The following COG5 variants were observed in gnomAD, a reference collection of about 807,000 sequenced individuals.
COG5 encodes conserved oligomeric Golgi complex subunit 5.
In COG5, 86 loss-of-function variants were observed where a neutral mutation model predicts 110.4. The observed-to-expected ratio is 0.78, with a 90% confidence interval of 0.65 to 0.93. COG5 has a LOEUF of 0.93. Among genes scored for constraint, COG5 ranks in the 40% least tolerant of loss-of-function variants. The pLI, the probability that COG5 is intolerant of heterozygous loss-of-function variation, is 0.00. For missense variants in COG5, 1,077 were observed against 987.0 expected (o/e 1.09, Z -1.22); for synonymous variants, 360 against 334.6 (o/e 1.08, Z -0.83).
intron 20 of COG5, 55 bp from the exon 21 acceptor site, chr7:107,210,660 C>T (rs1487473818): frequency 6.5e-7 from 1 of 1,534,478 alleles, no homozygotes; most frequent in African/African-American, 1.4e-5. Context: ...TAGTAAATGG[C>T]AGCAAGTGCT....
chr7:107,430,970 A>G (rs1208120911), intron 6 of COG5, among the ~76,000 whole-genome samples: 3 of 152,160 alleles, frequency 2.0e-5, no homozygotes, highest in Admixed American at 2.0e-4. Context: ...GCCATTAACC[A>G]AGGGAAGTGG....
At chr7:107,332,176 T>TAA (rs11448074) in intron 10 of COG5, among the ~76,000 whole-genome samples, 1 of 151,946 alleles carries the variant, frequency 6.6e-6, no homozygotes, top group Non-Finnish European at 1.5e-5. Flanking sequence ...AGATCTATGC[T>TAA]AAAAAAATAG....
At chr7:107,529,964 G>A (rs1801078079) in intron 5 of COG5, among the ~76,000 whole-genome samples, 1 of 152,126 alleles carries the variant, frequency 6.6e-6, no homozygotes, top group Admixed American at 6.5e-5. Context: ...AATTTGGAAC[G>A]TAAAATCTCA....
At chr7:107,554,442 C>T in intron 2 of COG5, 100 bp from the exon 3 acceptor site, 1 of 975,370 alleles carries the variant, frequency 1.0e-6, no homozygotes. Context: ...AGAAACGAGG[C>T]AAATACAAAT....
intron 5 of COG5, among the ~76,000 whole-genome samples, chr7:107,534,786 C>A (rs1007205149): frequency 6.6e-6 from 1 of 151,526 alleles, no homozygotes; most frequent in Non-Finnish European, 1.5e-5. Flanking sequence ...CAAGGATATT[C>A]AGGACTTGAA....
intron 6 of COG5, among the ~76,000 whole-genome samples, chr7:107,499,980 C>T (rs1253578748): frequency 6.6e-6 from 1 of 152,078 alleles, no homozygotes; most frequent in Non-Finnish European, 1.5e-5. Flanking sequence ...CTATCATGAT[C>T]TATCATGATT....
At chr7:107,535,409 C>G (rs1286212039) in intron 5 of COG5, among the ~76,000 whole-genome samples, 1 of 151,182 alleles carries the variant, frequency 6.6e-6, no homozygotes, top group Non-Finnish European at 1.5e-5. Flanking sequence ...ACAAAATAAA[C>G]CACTAGCCAG....
chr7:107,352,005 T>G (rs1429834263), intron 10 of COG5, among the ~76,000 whole-genome samples: 1 of 144,810 alleles, frequency 6.9e-6, no homozygotes. Flanking sequence ...TAAAGACACA[T>G]GCACACATGT....
intron 10 of COG5, among the ~76,000 whole-genome samples, chr7:107,347,256 T>A (rs1032950773): frequency 6.6e-6 from 1 of 152,156 alleles, no homozygotes; most frequent in Non-Finnish European, 1.5e-5. Flanking sequence ...ATACTTTGGG[T>A]TGTGTTCGTG....
intron 5 of COG5, among the ~76,000 whole-genome samples, chr7:107,543,234 C>A (rs1267403439): frequency 6.6e-6 from 1 of 152,036 alleles, no homozygotes; most frequent in East Asian, 1.9e-4. Context: ...GAATACAGCA[C>A]AGAAATAAAA....
chr7:107,479,287 G>A (rs1563058177), intron 6 of COG5, among the ~76,000 whole-genome samples: 1 of 152,046 alleles, frequency 6.6e-6, no homozygotes, highest in Non-Finnish European at 1.5e-5. Flanking sequence ...AAGTTATCTA[G>A]AAAGTTAAAT....
At chr7:107,396,647 A>G (rs1207610271) in intron 7 of COG5, among the ~76,000 whole-genome samples, 2 of 152,152 alleles carry the variant, frequency 1.3e-5, no homozygotes, top group Non-Finnish European at 2.9e-5. Context: ...AAAAATGAGG[A>G]AGAGAGTATA....
At chr7:107,435,966 AAAG>A (rs1296259480) in intron 6 of COG5, among the ~76,000 whole-genome samples, 1 of 152,228 alleles carries the variant, frequency 6.6e-6, no homozygotes, top group Non-Finnish European at 1.5e-5. Flanking sequence ...CTGCCATAAA[AAAG>A]AATGAAATCA....
Position 107,521,130 on chromosome 7 carries a change from T to C in COG5, c.538+6107A>G, listed in dbSNP as rs183690162. 5.5e-3 allele frequency among the ~76,000 whole-genome samples: 842 copies of C among 152,270 alleles called. 8 individuals carry two copies. The highest frequency in any genetic ancestry group is 0.02 in the African/African-American group (811 of 41,540). On this transcript the variant is annotated intron_variant, in intron 6 of 21. Coordinates refer to ENST00000297135, the MANE Select transcript of COG5 (RefSeq NM_006348.5). ...AACTGCACTCCTTCCTTATACCTTA[T>C]TCAAAAATTAACTCAAGATAGATTA...
intron 5 of COG5, 59 bp downstream of exon 5, chr7:107,548,052 G>T (rs546541103): frequency 1.4e-6 from 2 of 1,381,298 alleles, no homozygotes; most frequent in African/African-American, 1.5e-5. Context: ...CTTAAATTTT[G>T]TCCACTTATG....
rs1389942092 is a variant in COG5 at position 107,476,465 on chromosome 7, AG to A, written c.538+50771del. On this transcript the variant is annotated intron_variant, in intron 6 of 21. Coordinates refer to ENST00000297135, the MANE Select transcript of COG5 (RefSeq NM_006348.5). ...TTTTATTTCCACACTGAAATCACTA[AG>A]GTAACAATAAGTCTTGTCACTTTTC... Among the ~76,000 whole-genome samples the A allele has an allele frequency of 2.0e-5, 3 of 151,564 alleles. No individual in the cohort carries two copies. In the East Asian group the frequency reaches 5.8e-4, roughly 29 times the overall value.
intron 21 of COG5, among the ~76,000 whole-genome samples, chr7:107,204,994 A>G (rs1178481637): frequency 6.6e-6 from 1 of 152,122 alleles, no homozygotes; most frequent in Non-Finnish European, 1.5e-5. Context: ...AATCCTATTA[A>G]TTTGCTACAC....
chr7:107,384,696 G>A (rs1045121794), intron 7 of COG5, among the ~76,000 whole-genome samples: 6 of 152,192 alleles, frequency 3.9e-5, no homozygotes, highest in African/African-American at 1.4e-4. Context: ...ACCCTAAGAA[G>A]AAGAGATACC....
intron 12 of COG5, among the ~76,000 whole-genome samples, chr7:107,293,114 T>A (rs191704888): frequency 5.3e-4 from 81 of 152,214 alleles, no homozygotes; most frequent in African/African-American, 1.8e-3. Context: ...TGGAAGGCAA[T>A]TGCATGAGGT....
Sources: gnomAD v4.1 joint callset for allele counts (sites outside exome capture counted in the v4.1 genomes callset) on GRCh38, gnomAD v4.1.1 for gene constraint, MANE v1.5 for transcripts, NCBI Gene and HGNC (gene_info 2026-07-23, HGNC 2026-07-21) for gene names.